ATL1: variants seen among roughly 807,000 people sequenced by gnomAD.
ATL1 encodes atlastin GTPase 1.
ATL1 carries 31 observed loss-of-function variants against 75.5 expected under a neutral mutation model. That is an observed-to-expected ratio of 0.41 (90% CI 0.31 to 0.55). ATL1 has a LOEUF of 0.55. ATL1 is among the 20% of genes least tolerant of loss of function. The pLI, the probability that ATL1 is intolerant of heterozygous loss-of-function variation, is 0.27. For synonymous variants in ATL1, 226 were observed against 233.3 expected (o/e 0.97, Z 0.28); for missense variants, 405 against 662.6 (o/e 0.61, Z 4.27).
At chr14:50,576,482 G>A (rs900469505) in intron 1 of ATL1, among the ~76,000 whole-genome samples, 14 of 152,028 alleles carry the variant, frequency 9.2e-5, no homozygotes, top group African/African-American at 3.4e-4. Flanking sequence ...ACAGTATTCT[G>A]GGAATTGAAA....
chr14:50,556,934 T>C (rs1235785224), upstream of ATL1, among the ~76,000 whole-genome samples: 1 of 152,256 alleles, frequency 6.6e-6, no homozygotes, highest in East Asian at 1.9e-4. Flanking sequence ...TTGGCTATTA[T>C]GAATAATGCT....
intron 1 of ATL1, among the ~76,000 whole-genome samples, chr14:50,581,355 T>G (rs548583990): frequency 6.6e-6 from 1 of 152,100 alleles, no homozygotes; most frequent in South Asian, 2.1e-4. Context: ...ACATATTGAT[T>G]CAATATTTAT....
chr14:50,631,083 GC>G, intron 13 of ATL1: 1 of 322,030 alleles, frequency 3.1e-6, no homozygotes, highest in Non-Finnish European at 6.0e-6. Flanking sequence ...ACATGGTGAG[GC>G]CCCATCTCTA....
At chr14:50,542,978 G>A (rs991355383) in intron 1 of ATL1, among the ~76,000 whole-genome samples, 1 of 152,220 alleles carries the variant, frequency 6.6e-6, no homozygotes, top group African/African-American at 2.4e-5. Context: ...AGATAAGGAA[G>A]TCAGTGGGAG....
rs558797190 is a variant in ATL1, at chr14:50,544,675, T to C, written c.-140+11308T>C. The stretch of plus-strand genomic sequence containing the variant: ...TGGCTGGGCGATGGTGGCTCACACT[T>C]GTAATCTCAGAGCTTTGGGAGGCTG... On this transcript the variant is annotated intron_variant, in intron 1 of 13. Coordinates refer to the ATL1 transcript ENST00000441560. Among the ~76,000 whole-genome samples the C allele has an allele frequency of 4.6e-5, 7 of 152,192 alleles. No homozygotes were observed. The East Asian group carries it at 1.4e-3, about 29-fold the overall frequency.
intron 1 of ATL1, among the ~76,000 whole-genome samples, chr14:50,585,058 G>C (rs1390567434): frequency 6.6e-6 from 1 of 152,132 alleles, no homozygotes; most frequent in Non-Finnish European, 1.5e-5. Context: ...TTAGCAATTA[G>C]AGAAATGTAT....
At chr14:50,536,636 A>G (rs933191253) in intron 1 of ATL1, among the ~76,000 whole-genome samples, 4 of 152,184 alleles carry the variant, frequency 2.6e-5, no homozygotes, top group African/African-American at 9.6e-5. Flanking sequence ...AAATGCTAAT[A>G]GTGATATAAC....
At chr14:50,589,913 T>G (rs1715642888) in intron 2 of ATL1, among the ~76,000 whole-genome samples, 1 of 152,256 alleles carries the variant, frequency 6.6e-6, no homozygotes, top group African/African-American at 2.4e-5. Context: ...AATTATCTAA[T>G]GAGATCTTCC....
intron 7 of ATL1, 131 bp downstream of exon 7, chr14:50,613,482 T>G: frequency 1.4e-6 from 1 of 720,408 alleles, no homozygotes; most frequent in Non-Finnish European, 2.5e-6. Context: ...ATGACACAGG[T>G]GAAGAATTCT....
At chr14:50,550,847 C>T (rs746274676) in intron 1 of ATL1, among the ~76,000 whole-genome samples, 8 of 152,130 alleles carry the variant, frequency 5.3e-5, no homozygotes, top group Non-Finnish European at 8.8e-5. Context: ...ATTCTTTGAA[C>T]TGAATGATAG....
chr14:50,628,088 C>A lies in ATL1; in HGVS notation c.1177C>A (p.Gln393Lys). 1 of 1,614,104 alleles carries A rather than the reference C, an allele frequency of 6.2e-7. No homozygotes were observed. Among genetic ancestry groups the A allele is most frequent in the Non-Finnish European group, 8.5e-7 (1 of 1,180,014 alleles). Residue 393 changes from glutamine to lysine, a missense_variant, in exon 12 of 14, where the codon CAA (glutamine) becomes AAA (lysine). Gln to Lys is a moderately conservative substitution (Grantham distance 53). Around this residue, in one of 5 missense-constraint regions of ATL1, gnomAD observed 163 missense variants for 244.1 expected, o/e 0.67. Transcript: ENST00000358385. ...APNDLQTKHLQLKEESVKLFR... is the reference protein window; with the variant it reads ...APNDLQTKHLKLKEESVKLFR... ...AAATGACTTGCAGACCAAACACCTG[C>A]AACTTAAGGAAGAATCTGTGAAGCT...
In ATL1 at chr14:50,628,289, G is replaced by A. The variant is rs1310551730; in HGVS notation, c.1378G>A (p.Val460Met). Residue 460 changes from valine to methionine, a missense_variant, in exon 12 of 14, where the codon GTG (valine) becomes ATG (methionine). By Grantham distance (21) the Val-to-Met change is conservative. Transcript: ENST00000358385. ...TLFVVIFITYVIAGVTGFIGL... is the reference protein window; with the variant it reads ...TLFVVIFITYMIAGVTGFIGL... ...GTTTGTAGTCATCTTTATCACATAT[G>A]TGATTGCTGGTGTGACTGGATTCAT... The A allele has an allele frequency of 4.3e-6, 7 of 1,614,042 alleles. No individual in the cohort carries two copies. The highest frequency in any genetic ancestry group is 1.1e-5 in the South Asian group (1 of 91,084).
chr14:50,540,456 G>A (rs1412970389), intron 1 of ATL1, among the ~76,000 whole-genome samples: 1 of 152,112 alleles, frequency 6.6e-6, no homozygotes, highest in Non-Finnish European at 1.5e-5. Context: ...GTCTTTGAGG[G>A]AGAGTCCCAT....
upstream of ATL1, among the ~76,000 whole-genome samples, chr14:50,555,342 C>T (rs185720547): frequency 1.8e-4 from 28 of 152,196 alleles, no homozygotes; most frequent in Admixed American, 8.5e-4. Flanking sequence ...AGTGCAGTGG[C>T]GTGATCTTGG....
intron 1 of ATL1, among the ~76,000 whole-genome samples, chr14:50,585,495 C>T (rs569427080): frequency 6.6e-6 from 1 of 152,196 alleles, no homozygotes; most frequent in African/African-American, 2.4e-5. Flanking sequence ...TTGCTATTCT[C>T]AAAAAGGGCC....
At chr14:50,605,904 G>T (rs2039313680) in intron 6 of ATL1, among the ~76,000 whole-genome samples, 1 of 152,024 alleles carries the variant, frequency 6.6e-6, no homozygotes, top group African/African-American at 2.4e-5. Flanking sequence ...CAAGACCAGG[G>T]TTTAAATTCA....
chr14:50,627,716 A>G (rs893156401), intron 11 of ATL1, among the ~76,000 whole-genome samples: 6 of 152,190 alleles, frequency 3.9e-5, no homozygotes, highest in African/African-American at 1.4e-4. Context: ...CATTCTGTGA[A>G]TGAACTCAGT....
intron 1 of ATL1, among the ~76,000 whole-genome samples, chr14:50,553,723 C>T (rs919538618): frequency 5.3e-5 from 8 of 151,974 alleles, no homozygotes; most frequent in East Asian, 1.9e-4. Flanking sequence ...AACCAATGAG[C>T]GGATAAAGGA....
chr14:50,582,444 C>CT (rs1384181684), intron 1 of ATL1, among the ~76,000 whole-genome samples: 1 of 149,972 alleles, frequency 6.7e-6, no homozygotes, highest in Non-Finnish European at 1.5e-5. Flanking sequence ...GAGTCTCACT[C>CT]TGTCACCCAG....
Sources: gnomAD v4.1 joint callset for allele counts (sites outside exome capture counted in the v4.1 genomes callset) on GRCh38, gnomAD v4.1.1 for gene constraint, gnomAD v4.1.1 regional missense constraint, MANE v1.5 for transcripts, NCBI Gene and HGNC (gene_info 2026-07-23, HGNC 2026-07-21) for gene names.